RNF17: variants seen among roughly 807,000 people sequenced by gnomAD.
The protein encoded by RNF17 is ring finger protein 17.
A neutral mutation model predicts 200.5 loss-of-function variants in RNF17; 31 were observed. The observed-to-expected ratio is 0.15, with a 90% CI of 0.12 to 0.21. The LOEUF (loss-of-function observed/expected upper bound fraction) is 0.21. Among genes scored for constraint, RNF17 ranks in the 10% least tolerant of loss-of-function variants. The probability of loss-of-function intolerance (pLI) is 1.00; values close to 1 mark genes in which losing one functional copy is unlikely to be tolerated. For missense variants in RNF17, 1,628 were observed against 1,905.1 expected (o/e 0.85, Z 2.71); for synonymous variants, 606 against 637.8 (o/e 0.95, Z 0.75).
chr13:24,772,043 T>C (rs549601405), intron 2 of RNF17, among the ~76,000 whole-genome samples: 35 of 152,308 alleles, frequency 2.3e-4, no homozygotes, highest in Admixed American at 3.3e-4. Context: ...TTAATTATTT[T>C]ATGTGTTATG....
intron 15 of RNF17, among the ~76,000 whole-genome samples, chr13:24,818,381 A>G (rs1887649684): frequency 6.6e-6 from 1 of 152,134 alleles, no homozygotes; most frequent in Non-Finnish European, 1.5e-5. Flanking sequence ...TGTTTTGTGT[A>G]TGTCTGTTAG....
intron 2 of RNF17, among the ~76,000 whole-genome samples, chr13:24,771,397 G>A (rs1880675507): frequency 8.3e-6 from 1 of 121,072 alleles, no homozygotes; most frequent in African/African-American, 3.1e-5. Context: ...TCCTTGCTAT[G>A]TTGCCCAGGC....
intron 8 of RNF17, 112 bp downstream of exon 8, chr13:24,789,536 C>T (rs1222215831): frequency 1.1e-6 from 1 of 940,876 alleles, no homozygotes; most frequent in East Asian, 2.4e-5. Context: ...CAAATGTTTA[C>T]TAAGTTAGTA....
chr13:24,842,138 G>A lies in RNF17; in HGVS notation c.2580G>A (p.Glu860=), dbSNP rs1406352002. The A allele has an allele frequency of 3.1e-6, 5 of 1,608,760 alleles. No individual in the cohort carries two copies. Among genetic ancestry groups the A allele is most frequent in the Non-Finnish European group, 4.2e-6 (5 of 1,177,126 alleles). The change falls in exon 19 of 36, where the codon GAG becomes GAA. Residue 860 remains glutamate, a synonymous_variant. Coordinates refer to ENST00000255324, the MANE Select transcript of RNF17 (RefSeq NM_031277.3). ...GTATTAATGACCAGCTAGTTAAAGA[G>A]GGCCTAGCATCTTATGAAATAGGGT... is the stretch of plus-strand genomic sequence containing the variant. ...TTSINDQLVK[E]GLASYEIGYI... is the part of the protein sequence containing the mutation.
intron 11 of RNF17, among the ~76,000 whole-genome samples, chr13:24,797,705 A>AGTTTGTGTGTCTCTGTGTGTGTGTGT: frequency 8.4e-6 from 1 of 119,096 alleles, no homozygotes; most frequent in Middle Eastern, 4.1e-3. Flanking sequence ...AGAGACAAAG[A>AGTTTGTGTGTCTCTGTGTGTGTGTGT]GTGTGTGTGT....
intron 34 of RNF17, among the ~76,000 whole-genome samples, chr13:24,878,734 TAG>T (rs1185994346): frequency 1.3e-5 from 2 of 152,158 alleles, no homozygotes; most frequent in South Asian, 4.1e-4. Context: ...CCTGCCCACA[TAG>T]AGAGTGGGTC....
the RNF17 span, chr13:24,885,751 C>CACAGG: frequency 1.1e-5 from 11 of 989,716 alleles, no homozygotes; most frequent in African/African-American, 1.6e-5. Flanking sequence ...TTCCTTAGTT[C>CACAGG]ATATCCTGTG....
chr13:24,760,310 C>G (rs927599318), upstream of RNF17, among the ~76,000 whole-genome samples: 1 of 152,036 alleles, frequency 6.6e-6, no homozygotes, highest in Non-Finnish European at 1.5e-5. Flanking sequence ...GGAAAATAAA[C>G]TTGAAAGAAT....
chr13:24,828,684 C>G (rs536933399), intron 16 of RNF17, among the ~76,000 whole-genome samples: 2 of 151,566 alleles, frequency 1.3e-5, no homozygotes, highest in Non-Finnish European at 2.9e-5. Flanking sequence ...TTTTAAAATT[C>G]TATTGTGAGT....
In RNF17 at chr13:24,870,917, TAAGG is replaced by T. The variant is rs924052909; in HGVS notation, c.4447+183_4447+186del. ...GATGACTTCTTTCTCATTTTCTAGA[TAAGG>T]AAGGTGAACTAAGAGACGCTAAGTA... On this transcript the variant is annotated intron_variant, in intron 32 of 35. Transcript: ENST00000255324. Among the ~76,000 whole-genome samples the T allele has an allele frequency of 2.0e-5, 3 of 152,356 alleles. No homozygotes were observed. In the East Asian group the frequency reaches 5.8e-4, roughly 29 times the overall value.
chr13:24,774,270 T>C (rs1448190744), intron 2 of RNF17, among the ~76,000 whole-genome samples: 1 of 152,222 alleles, frequency 6.6e-6, no homozygotes, highest in African/African-American at 2.4e-5. Flanking sequence ...GATGCAATCT[T>C]GGCTCACTGC....
At chr13:24,792,436 G>A (rs1269930607) in intron 9 of RNF17, among the ~76,000 whole-genome samples, 1 of 152,100 alleles carries the variant, frequency 6.6e-6, no homozygotes, top group African/African-American at 2.4e-5. Flanking sequence ...TTGAGAAGGA[G>A]CAGACAGAAG....
intron 11 of RNF17, 62 bp downstream of exon 11, chr13:24,796,357 C>A: frequency 1.7e-6 from 2 of 1,150,860 alleles, no homozygotes; most frequent in Non-Finnish European, 2.4e-6. Flanking sequence ...ATAACTTGGC[C>A]AACCCACATA....
intron 25 of RNF17, among the ~76,000 whole-genome samples, chr13:24,857,950 G>A (rs942185136): frequency 1.3e-5 from 2 of 152,256 alleles, no homozygotes; most frequent in East Asian, 3.9e-4. Context: ...AATGAGAAAA[G>A]AAATCACAAC....
At position 24,789,337 on chromosome 13, in the gene RNF17, TTA is replaced by T; in HGVS notation, c.784-10_784-9del. The T allele has an allele frequency of 3.8e-6, 6 of 1,561,482 alleles. No individual in the cohort carries two copies. The highest frequency in any genetic ancestry group is 1.1e-5 in the South Asian group (1 of 87,320). On this transcript the variant is annotated splice_polypyrimidine_tract_variant and intron_variant, in intron 7 of 35. Transcript: ENST00000255324. ...GATTCACACATGAATGATTTTTTTTTTAAATTCTAGATTATCCGGACTTTGCA... is the reference window on the plus strand; with the variant it reads ...GATTCACACATGAATGATTTTTTTTTAATTCTAGATTATCCGGACTTTGCA...
chr13:24,884,026 T>A (rs1953937940), downstream of RNF17: 1 of 1,613,936 alleles, frequency 6.2e-7, no homozygotes. Context: ...AGGAAATAAG[T>A]TTTTAACAGT....
At chr13:24,786,024 T>C (rs1175918057) in intron 6 of RNF17, among the ~76,000 whole-genome samples, 1 of 152,182 alleles carries the variant, frequency 6.6e-6, no homozygotes, top group Non-Finnish European at 1.5e-5. Flanking sequence ...CTTAAAATAC[T>C]GATAAGGAAG....
intron 34 of RNF17, among the ~76,000 whole-genome samples, chr13:24,877,405 T>A (rs529250784): frequency 6.6e-6 from 1 of 152,292 alleles, no homozygotes; most frequent in African/African-American, 2.4e-5. Flanking sequence ...TGCTTACCCC[T>A]GTGGTGATAT....
At chr13:24,805,986 C>T (rs559354453) in intron 15 of RNF17, among the ~76,000 whole-genome samples, 1 of 152,102 alleles carries the variant, frequency 6.6e-6, no homozygotes, top group African/African-American at 2.4e-5. Context: ...GTTTGCTGCA[C>T]CCATCCCCAT....
Sources: gnomAD v4.1 joint callset for allele counts (sites outside exome capture counted in the v4.1 genomes callset) on GRCh38, gnomAD v4.1.1 for gene constraint, MANE v1.5 for transcripts, NCBI Gene and HGNC (gene_info 2026-07-23, HGNC 2026-07-21) for gene names.